Variants in C10orf71 observed in about 807,000 individuals in gnomAD.
C10orf71 encodes chromosome 10 open reading frame 71, also known as cardiac-enriched FHL2-interacting protein.
For missense variants in C10orf71, 1,869 were observed against 1,804.5 expected (o/e 1.04, Z -0.65); for synonymous variants, 758 against 726.3 (o/e 1.04, Z -0.70).
At position 49,326,896 on chromosome 10, in the gene C10orf71, GCTTA is replaced by G; in HGVS notation, c.*47_*50del. On this transcript the variant is annotated 3_prime_UTR_variant, in exon 3 of 3. Transcript: ENST00000374144. ...CCCACCCCCAGATGAACCCAGAGGA[GCTTA>G]CTTCCCCCTCCCCCAAAACAAGCAA... The G allele has an allele frequency of 7.3e-7, 1 of 1,372,520 alleles. No homozygotes were observed. The highest frequency in any genetic ancestry group is 9.5e-7 in the Non-Finnish European group (1 of 1,049,452). 85.0% of individuals were successfully genotyped at this position (1,372,520 alleles called of 1,614,324 possible).
At chr10:49,308,513 A>G (rs1218596745) in intron 1 of C10orf71, among the ~76,000 whole-genome samples, 2 of 152,246 alleles carry the variant, frequency 1.3e-5, no homozygotes, top group Non-Finnish European at 2.9e-5. Context: ...CAAAATGGCC[A>G]GACTGGATGC....
At chr10:49,301,992 A>AC (rs904974329) in intron 1 of C10orf71, among the ~76,000 whole-genome samples, 3 of 151,674 alleles carry the variant, frequency 2.0e-5, no homozygotes, top group African/African-American at 7.3e-5. Context: ...TTCACTACTA[A>AC]CCCCCTTCCC....
Position 49,325,919 on chromosome 10 carries a change from C to T in C10orf71, c.3374C>T (p.Pro1125Leu). ...CTCGTGTGGGAGGGCGGCTCTGACC[C>T]CCTACTTGAGCTGTCGGCAGAAGAC... is the stretch of plus-strand genomic sequence containing the variant. ...HALVWEGGSD[P>L]LLELSAEDLR... is the part of the protein sequence containing the mutation. The change falls in exon 3 of 3, where the codon CCC (proline) becomes CTC (leucine). Residue 1125 changes from proline to leucine, a missense_variant. Transcript: ENST00000374144. 1 of 1,550,974 alleles carries T rather than the reference C, an allele frequency of 6.4e-7. No homozygotes were observed. The highest frequency in any genetic ancestry group is 8.7e-7 in the Non-Finnish European group (1 of 1,146,538).
chr10:49,317,011 G>A (rs1398598152), intron 2 of C10orf71, among the ~76,000 whole-genome samples: 9 of 152,314 alleles, frequency 5.9e-5, no homozygotes, highest in Admixed American at 6.5e-5. Context: ...CTCTATCTAA[G>A]CTTCTAAATT....
chr10:49,323,281 T>C lies in C10orf71; in HGVS notation c.736T>C (p.Cys246Arg). 2.5e-6 allele frequency: 4 copies of C among 1,613,908 alleles called. No homozygotes were observed. The highest frequency in any genetic ancestry group is 3.4e-6 in the Non-Finnish European group (4 of 1,179,852). ...AGCAGCCAATGACACGGCCACCTTA[T>C]GTGAGTCAAAGTTCCCCTCTCCACA... ...LPAANDTATLCESKFPSPHHK... is the reference protein window; with the variant it reads ...LPAANDTATLRESKFPSPHHK... The change falls in exon 3 of 3, where the codon TGT becomes CGT. Residue 246 changes from cysteine (C) to arginine (R), a missense_variant. Coordinates refer to ENST00000374144, the MANE Select transcript of C10orf71 (RefSeq NM_001135196.2).
chr10:49,314,167 T>C (rs1246101871), intron 1 of C10orf71, among the ~76,000 whole-genome samples: 1 of 151,368 alleles, frequency 6.6e-6, no homozygotes, highest in Admixed American at 6.6e-5. Context: ...CAGGAAGGAG[T>C]GGGGGCCAGA....
At chr10:49,308,988 G>T (rs1468889905) in intron 1 of C10orf71, among the ~76,000 whole-genome samples, 1 of 152,228 alleles carries the variant, frequency 6.6e-6, no homozygotes, top group African/African-American at 2.4e-5. Context: ...AGGGACCAGC[G>T]ATTGACCTAG....
intron 1 of C10orf71, among the ~76,000 whole-genome samples, chr10:49,302,639 G>A (rs189251076): frequency 1.1e-4 from 17 of 152,308 alleles, no homozygotes; most frequent in African/African-American, 4.1e-4. Flanking sequence ...TGATCTGAAT[G>A]CAACTCCCAT....
At chr10:49,304,330 A>G (rs1344836733) in intron 1 of C10orf71, among the ~76,000 whole-genome samples, 1 of 152,188 alleles carries the variant, frequency 6.6e-6, no homozygotes, top group African/African-American at 2.4e-5. Flanking sequence ...TGTGACCTTA[A>G]GTGAGTTCCT....
At chr10:49,313,273 G>GT (rs1343718472) in intron 1 of C10orf71, among the ~76,000 whole-genome samples, 1 of 152,156 alleles carries the variant, frequency 6.6e-6, no homozygotes, top group African/African-American at 2.4e-5. Context: ...CAGTAATGAT[G>GT]AAAGGATGGA....
rs745559272 is a variant in C10orf71, at chr10:49,322,586, A to T, written c.41A>T (p.Asp14Val). 2.0e-5 allele frequency: 32 copies of T among 1,612,198 alleles called. No individual in the cohort carries two copies. Among genetic ancestry groups the T allele is most frequent in the Non-Finnish European group, 2.7e-5 (32 of 1,179,140 alleles). The change falls in exon 3 of 3, where the codon GAC becomes GTC. Residue 14 changes from aspartate to valine, a missense_variant. Transcript: ENST00000374144. ...AAGAAGTGCACAGACGCGTTCAGCG[A>T]CTCCTCCAGCATCGGCAGCGTGTTG... ...GNKKCTDAFS[D>V]SSSIGSVLDD...
chr10:49,320,978 A>G (rs1849084611), intron 2 of C10orf71, among the ~76,000 whole-genome samples: 2 of 152,186 alleles, frequency 1.3e-5, no homozygotes, highest in Admixed American at 6.5e-5. Flanking sequence ...TATGCACCCC[A>G]TGAAGCCATC....
In C10orf71 at chr10:49,324,397, G is replaced by T. The variant is rs1402621641; in HGVS notation, c.1852G>T (p.Glu618Ter). Residue 618 changes from glutamate (E) to a stop codon, truncating the protein, a stop_gained, in exon 3 of 3, where the codon GAG (glutamate) becomes TAG (stop). Coordinates refer to ENST00000374144, the MANE Select transcript of C10orf71 (RefSeq NM_001135196.2). LOFTEE classifies it low-confidence loss of function (END_TRUNC). ...AAERSSYENKEVEGELEMGPA... is the reference protein window; with the variant it reads ...AAERSSYENK ...TGAGAGAAGCAGTTATGAGAACAAG[G>T]AGGTGGAAGGAGAGTTGGAGATGGG... The T allele has an allele frequency of 1.2e-6, 2 of 1,613,010 alleles. No individual in the cohort carries two copies. Among genetic ancestry groups the T allele is most frequent in the Non-Finnish European group, 1.7e-6 (2 of 1,179,458 alleles).
chr10:49,305,250 T>G (rs953604394), intron 1 of C10orf71, among the ~76,000 whole-genome samples: 3 of 152,104 alleles, frequency 2.0e-5, no homozygotes, highest in Non-Finnish European at 2.9e-5. Context: ...AAAGTCACAG[T>G]GTGGTGCTGA....
intron 1 of C10orf71, among the ~76,000 whole-genome samples, chr10:49,302,392 C>T (rs971489469): frequency 1.3e-5 from 2 of 152,236 alleles, no homozygotes; most frequent in African/African-American, 2.4e-5. Context: ...GGTTAGAGCT[C>T]AGGCCCCCTG....
At chr10:49,314,220 G>A (rs1564686312) in intron 1 of C10orf71, among the ~76,000 whole-genome samples, 1 of 152,214 alleles carries the variant, frequency 6.6e-6, no homozygotes, top group African/African-American at 2.4e-5. Flanking sequence ...AATGGAGGTA[G>A]AGGGGAGATA....
At position 49,324,672 on chromosome 10, in the gene C10orf71, G is replaced by C; in HGVS notation, c.2127G>C (p.Val709=). ...CCCTCTCTCCTGAGGAGGAAGATGT[G>C]TTTTACAGTGACAGCCAATCCGATT... ...PGPLSPEEED[V]FYSDSQSDFM... The change falls in exon 3 of 3, where the codon GTG becomes GTC. Residue 709 remains valine (V), a synonymous_variant. Transcript: ENST00000374144. The C allele has an allele frequency of 6.2e-7, 1 of 1,612,106 alleles. No homozygotes were observed.
chr10:49,309,719 A>T (rs971328229), intron 1 of C10orf71, among the ~76,000 whole-genome samples: 2 of 152,094 alleles, frequency 1.3e-5, no homozygotes, highest in Admixed American at 1.3e-4. Context: ...TGGATGGAGG[A>T]CCATCTGTGA....
intron 1 of C10orf71, among the ~76,000 whole-genome samples, chr10:49,307,848 A>T (rs61848578): frequency 6.6e-6 from 1 of 151,930 alleles, no homozygotes; most frequent in African/African-American, 2.4e-5. Context: ...TTCTCCTGTG[A>T]CTTCTCATTT....
Sources: gnomAD v4.1 joint callset for allele counts (sites outside exome capture counted in the v4.1 genomes callset) on GRCh38, gnomAD v4.1.1 for gene constraint, MANE v1.5 for transcripts, NCBI Gene and HGNC (gene_info 2026-07-23, HGNC 2026-07-21) for gene names.